The following CDYL2 variants were observed in gnomAD, a reference collection of about 807,000 sequenced individuals.
The protein encoded by CDYL2 is chromodomain Y-like protein 2.
CDYL2 carries 23 observed loss-of-function variants against 49.4 expected under a neutral mutation model. That is an observed-to-expected ratio of 0.47 (90% CI 0.34 to 0.66). CDYL2 has a LOEUF of 0.66. Among genes scored for constraint, CDYL2 ranks in the 30% least tolerant of loss-of-function variants. The pLI is 0.01. For synonymous variants in CDYL2, 360 were observed against 268.8 expected (o/e 1.34, Z -3.32); for missense variants, 678 against 656.4 (o/e 1.03, Z -0.36).
intron 3 of CDYL2, among the ~76,000 whole-genome samples, chr16:80,621,840 G>A (rs1209470621): frequency 2.0e-5 from 3 of 152,170 alleles, no homozygotes; most frequent in Non-Finnish European, 2.9e-5. Context: ...TCTTAGGCAG[G>A]TGGAGGGCAG....
chr16:80,742,401 C>G (rs1333596024), intron 1 of CDYL2: 1 of 149,100 alleles, frequency 6.7e-6, no homozygotes, highest in Non-Finnish European at 1.5e-5. Flanking sequence ...AGGGGATGAA[C>G]GAGTGGATAT....
At chr16:80,655,291 T>TATTC (rs1200119878) in intron 2 of CDYL2, among the ~76,000 whole-genome samples, 1 of 152,252 alleles carries the variant, frequency 6.6e-6, no homozygotes, top group Non-Finnish European at 1.5e-5. Flanking sequence ...CTCCTCATTT[T>TATTC]ATTCATTCAT....
intron 2 of CDYL2, among the ~76,000 whole-genome samples, chr16:80,674,826 T>C (rs1187483080): frequency 2.0e-5 from 3 of 152,264 alleles, no homozygotes; most frequent in Non-Finnish European, 4.4e-5. Context: ...CATTCATCAG[T>C]TGGTGAAGAT....
intron 6 of CDYL2, among the ~76,000 whole-genome samples, chr16:80,605,884 C>T (rs1172190522): frequency 2.6e-5 from 4 of 152,194 alleles, no homozygotes; most frequent in Admixed American, 2.0e-4. Context: ...GTTACAGATG[C>T]AGAACCCAAA....
At chr16:80,742,257 C>T (rs1905763244) in intron 1 of CDYL2, 1 of 152,232 alleles carries the variant, frequency 6.6e-6, no homozygotes, top group Non-Finnish European at 1.5e-5. Context: ...AACACTTTAA[C>T]ACTACCTAAT....
At chr16:80,697,826 G>C (rs141322675) in intron 1 of CDYL2, among the ~76,000 whole-genome samples, 1 of 151,614 alleles carries the variant, frequency 6.6e-6, no homozygotes, top group East Asian at 1.9e-4. Context: ...AAATACCTAG[G>C]AATAAATTTA....
chr16:80,607,539 C>A (rs1282907416), intron 6 of CDYL2, among the ~76,000 whole-genome samples: 2 of 152,220 alleles, frequency 1.3e-5, no homozygotes, highest in South Asian at 2.1e-4. Context: ...TCCCCTGCCG[C>A]GCTCTGAGTG....
intron 2 of CDYL2, among the ~76,000 whole-genome samples, chr16:80,683,669 G>C (rs964211571): frequency 2.6e-5 from 4 of 152,182 alleles, no homozygotes; most frequent in Admixed American, 2.6e-4. Flanking sequence ...CCACAACACA[G>C]TCACAGCATT....
At chr16:80,715,497 T>C (rs191001218) in intron 1 of CDYL2, among the ~76,000 whole-genome samples, 4 of 152,184 alleles carry the variant, frequency 2.6e-5, no homozygotes, top group African/African-American at 4.8e-5. Context: ...CAGACACTCA[T>C]GGTTCTCCAG....
At chr16:80,662,401 C>A (rs947210249) in intron 2 of CDYL2, among the ~76,000 whole-genome samples, 1 of 152,210 alleles carries the variant, frequency 6.6e-6, no homozygotes, top group African/African-American at 2.4e-5. Context: ...AAGTCCCCTA[C>A]TTTTTGATGG....
Position 80,748,122 on chromosome 16 carries a change from AAATAATAATAATAATAATAATAAT to A in CDYL2, c.24+56004_24+56027del, listed in dbSNP as rs71143647. 1.3e-4 allele frequency among the ~76,000 whole-genome samples: 18 copies of A among 136,004 alleles called. 1 individual carries two copies. The highest frequency in any genetic ancestry group is 3.8e-4 in the Admixed American group (5 of 13,130). The allele number at this position is 136,004 out of a possible 152,430, so 89.2% of individuals were successfully genotyped here. A position where few individuals can be genotyped will look rare whatever the true frequency, so the allele number is the denominator to read the frequency against. ...ACTCACAGGTGATTCTGGGAAGATT[AAATAATAATAATAATAATAATAAT>A]AATAATAATAATAATAATAATATAA... is the stretch of plus-strand genomic sequence containing the variant. On this transcript the variant is annotated intron_variant, in intron 1 of 6. Transcript: ENST00000570137.
At chr16:80,795,972 A>G (rs1287534901) in intron 1 of CDYL2, among the ~76,000 whole-genome samples, 1 of 152,222 alleles carries the variant, frequency 6.6e-6, no homozygotes, top group Non-Finnish European at 1.5e-5. Context: ...CTAGCCATAC[A>G]CTATTACCAA....
At chr16:80,641,592 T>C (rs1320463302) in intron 2 of CDYL2, among the ~76,000 whole-genome samples, 1 of 152,036 alleles carries the variant, frequency 6.6e-6, no homozygotes, top group East Asian at 1.9e-4. Context: ...TTCATGTCCT[T>C]CGTAGGGACA....
chr16:80,665,505 T>TAAAAAAAAAAA (rs35248259), intron 2 of CDYL2, among the ~76,000 whole-genome samples: 12 of 121,626 alleles, frequency 9.9e-5, no homozygotes, highest in African/African-American at 4.0e-4. Context: ...TTTTTGCCAT[T>TAAAAAAAAAAA]AAAAAAAAAA....
intron 1 of CDYL2, among the ~76,000 whole-genome samples, chr16:80,729,704 A>G (rs1391420916): frequency 6.6e-6 from 1 of 152,182 alleles, no homozygotes; most frequent in Non-Finnish European, 1.5e-5. Context: ...GTTGGAAGTA[A>G]AGCTCTCCTC....
intron 1 of CDYL2, among the ~76,000 whole-genome samples, chr16:80,788,658 G>T (rs76730823): frequency 6.6e-6 from 1 of 152,184 alleles, no homozygotes; most frequent in Non-Finnish European, 1.5e-5. Flanking sequence ...GATGATTAGA[G>T]GCACCTAGGA....
rs558338078 is a variant in CDYL2 at position 80,722,338 on chromosome 16, A to C, written c.25-37209T>G. Among the ~76,000 whole-genome samples, 292 of 152,324 alleles carry C rather than the reference A, an allele frequency of 1.9e-3. 2 individuals are homozygous for C. The highest frequency in any genetic ancestry group is 2.4e-3 in the Admixed American group (37 of 15,308). ...AGCTCACTAGGTGATTCTATTATTC[A>C]GAGGTACATAAAATAACAGAGCATC... On this transcript the variant is annotated intron_variant, in intron 1 of 6. Transcript: ENST00000570137.
chr16:80,757,773 A>G (rs1458785725), intron 1 of CDYL2, among the ~76,000 whole-genome samples: 1 of 151,964 alleles, frequency 6.6e-6, no homozygotes, highest in East Asian at 1.9e-4. Context: ...ACACAAATCA[A>G]AATAACAAAT....
chr16:80,714,413 T>C (rs1449756987), intron 1 of CDYL2, among the ~76,000 whole-genome samples: 1 of 152,204 alleles, frequency 6.6e-6, no homozygotes, highest in Non-Finnish European at 1.5e-5. Flanking sequence ...ATACATTGTA[T>C]ACACATATAG....
Sources: gnomAD v4.1 joint callset for allele counts (sites outside exome capture counted in the v4.1 genomes callset) on GRCh38, gnomAD v4.1.1 for gene constraint, MANE v1.5 for transcripts, NCBI Gene and HGNC (gene_info 2026-07-23, HGNC 2026-07-21) for gene names.